Variants in CNTNAP3B observed in about 807,000 individuals in gnomAD.
CNTNAP3B encodes the protein contactin associated protein family member 3B, also known as contactin-associated protein-like 3B.
A neutral mutation model predicts 108.9 loss-of-function variants in CNTNAP3B; 25 were observed. The ratio of observed to expected loss-of-function variants is 0.23; its 90% CI spans 0.17 to 0.32. The LOEUF (loss-of-function observed/expected upper bound fraction) is 0.32, where lower values mean the gene tolerates loss of function less well. Ranked by LOEUF, CNTNAP3B falls within the 10% of genes least tolerant of loss-of-function variation. The probability of loss-of-function intolerance (pLI) is 1.00; values close to 1 mark genes in which losing one functional copy is unlikely to be tolerated. For synonymous variants in CNTNAP3B, 103 were observed against 473.4 expected, an observed-to-expected ratio of 0.22 and a Z score of 10.16; for missense variants, 252 against 1,210.4, an observed-to-expected ratio of 0.21 and a Z score of 11.75.
intron 13 of CNTNAP3B, among the ~76,000 whole-genome samples, chr9:41,944,253 G>A (rs1198679020): frequency 3.4e-5 from 5 of 148,418 alleles, no homozygotes; most frequent in African/African-American, 1.3e-4. Context: ...AAGAAAGGTA[G>A]GAGCATTAGA....
chr9:41,997,845 C>G, intron 5 of CNTNAP3B, 93 bp from the exon 6 acceptor site: 1 of 1,153,362 alleles, frequency 8.7e-7, no homozygotes, highest in Non-Finnish European at 1.2e-6. Context: ...AACTTTCCAT[C>G]TTACAGAGTT....
rs1378455123 is a variant in CNTNAP3B at position 41,992,910 on chromosome 9, TTTTG to T, written c.1072-1043_1072-1040del. Reference sequence around the variant, plus strand: ...ACATCTTACTAGGTTTTTAAATGGTTTTTGTTTGTTTGTTTGTTTTGCTTTGTTT... The same window carrying T: ...ACATCTTACTAGGTTTTTAAATGGTTTTTGTTTGTTTGTTTTGCTTTGTTT... On this transcript the variant is annotated intron_variant, in intron 7 of 23. Coordinates refer to ENST00000377561, the MANE Select transcript of CNTNAP3B (RefSeq NM_001201380.3). 9 of 28,622 alleles carry T rather than the reference TTTTG, an allele frequency of 3.1e-4. 1 individual carries two copies. The highest frequency in any genetic ancestry group is 8.0e-4 in the African/African-American group (8 of 10,034). 1.8% of individuals were successfully genotyped at this position (28,622 alleles called of 1,614,324 possible).
At chr9:42,066,275 C>T (rs1395114130) in intron 3 of CNTNAP3B, among the ~76,000 whole-genome samples, 1 of 131,584 alleles carries the variant, frequency 7.6e-6, no homozygotes, top group Non-Finnish European at 1.6e-5. Flanking sequence ...CCCTCTCCTG[C>T]CTGCCAGTGG....
chr9:42,063,988 C>T (rs1260215446), intron 3 of CNTNAP3B, among the ~76,000 whole-genome samples: 2 of 144,978 alleles, frequency 1.4e-5, no homozygotes, highest in African/African-American at 2.7e-5. Flanking sequence ...CCTGTAAGTT[C>T]CATAAGCATT....
chr9:41,932,335 T>A (rs1220824213), intron 14 of CNTNAP3B, among the ~76,000 whole-genome samples: 1 of 152,020 alleles, frequency 6.6e-6, no homozygotes, highest in Admixed American at 6.5e-5. Flanking sequence ...AAAATTTTTA[T>A]TTATTAGAAA....
At chr9:42,041,921 T>C (rs1379409351) in intron 3 of CNTNAP3B, among the ~76,000 whole-genome samples, 1 of 140,636 alleles carries the variant, frequency 7.1e-6, no homozygotes, top group African/African-American at 2.8e-5. Context: ...AAATGATGAG[T>C]TCATGTCCTT....
rs149853660 is a variant in CNTNAP3B, at chr9:42,053,992, G to C, written c.390+22877C>G. On this transcript the variant is annotated intron_variant, in intron 3 of 23. Coordinates refer to ENST00000377561, the MANE Select transcript of CNTNAP3B (RefSeq NM_001201380.3). ...AACTCTGGGAGTATATCAACACAAA[G>C]GTTTGATGAGAAAGTGGAGGACTGA... is the stretch of plus-strand genomic sequence containing the variant. Among the ~76,000 whole-genome samples, 169 of 151,872 alleles carry C rather than the reference G, an allele frequency of 1.1e-3. 1 individual carries two copies. Among genetic ancestry groups the C allele is most frequent in the African/African-American group, 3.7e-3 (154 of 41,134 alleles).
At chr9:41,963,301 G>A (rs1285976284) in intron 11 of CNTNAP3B, among the ~76,000 whole-genome samples, 1 of 152,136 alleles carries the variant, frequency 6.6e-6, no homozygotes, top group African/African-American at 2.4e-5. Flanking sequence ...ACCCAGGGAT[G>A]GGCGAAATAT....
At position 41,996,333 on chromosome 9, in the gene CNTNAP3B, T is replaced by C. The variant is rs1825901481; in HGVS notation, c.943A>G (p.Ile315Val). 2 of 1,537,178 alleles carry C rather than the reference T, an allele frequency of 1.3e-6. 1 individual carries two copies. Among genetic ancestry groups the C allele is most frequent in the Non-Finnish European group, 1.8e-6 (2 of 1,136,800 alleles). ...DLNFEISFGG[I>V]LSPGRSRAFT... is the part of the protein sequence containing the mutation. The stretch of plus-strand genomic sequence containing the variant: ...GCCCGTGATCTTCCGGGTGACAGAA[T>C]TCCCCCAAAGCTGATCTTAGAAAGA... Residue 315 changes from isoleucine to valine, a missense_variant, in exon 7 of 24, where the codon ATT becomes GTT. By Grantham distance (29) the Ile-to-Val change is conservative (BLOSUM62 3). Coordinates refer to ENST00000377561, the MANE Select transcript of CNTNAP3B (RefSeq NM_001201380.3).
chr9:41,919,611 A>G (rs1823614303), intron 18 of CNTNAP3B, among the ~76,000 whole-genome samples: 1 of 152,300 alleles, frequency 6.6e-6, no homozygotes, highest in Admixed American at 6.5e-5. Context: ...AGGCCTTTTG[A>G]ATCACTTAAA....
chr9:42,096,383 G>A (rs1477263444), intron 2 of CNTNAP3B, among the ~76,000 whole-genome samples: 2 of 140,502 alleles, frequency 1.4e-5, no homozygotes, highest in Non-Finnish European at 3.1e-5. Context: ...CCTTTAGCCT[G>A]CTCAATTCCC....
intron 2 of CNTNAP3B, among the ~76,000 whole-genome samples, chr9:42,088,231 C>A (rs1827744917): frequency 1.1e-5 from 1 of 93,680 alleles, no homozygotes; most frequent in South Asian, 4.1e-4. Flanking sequence ...GTAACTTGAT[C>A]TGGGCTCTGG....
chr9:42,031,632 A>C (rs1367977224), intron 3 of CNTNAP3B, among the ~76,000 whole-genome samples: 1 of 78,958 alleles, frequency 1.3e-5, no homozygotes, highest in African/African-American at 5.5e-5. Context: ...ATATACATAA[A>C]TAACTCTCAG....
Position 41,929,491 on chromosome 9 carries a change from C to A in CNTNAP3B, c.2238-47G>T, listed in dbSNP as rs764279634. 4 of 1,506,702 alleles carry A rather than the reference C, an allele frequency of 2.7e-6. 1 individual carries two copies. Among genetic ancestry groups the A allele is most frequent in the Non-Finnish European group, 3.6e-6 (4 of 1,116,662 alleles). 93.3% of individuals were successfully genotyped at this position (1,506,702 alleles called of 1,614,324 possible). On this transcript the variant is annotated intron_variant, in intron 14 of 23. Transcript: ENST00000377561. ...CATTAAAATTATTCTGATTAACATA[C>A]GGGCAAAATTAACTCTGATCTCTTA... is the stretch of plus-strand genomic sequence containing the variant.
chr9:41,918,481 A>G (rs1322970865), intron 18 of CNTNAP3B, among the ~76,000 whole-genome samples: 2 of 145,552 alleles, frequency 1.4e-5, no homozygotes, highest in East Asian at 2.0e-4. Flanking sequence ...CCCCCCAAAT[A>G]TATCTGTAAA....
rs1246443285 is a variant in CNTNAP3B at position 42,095,370 on chromosome 9, C to T, written c.196+9259G>A. ...GAGTTCCCTGCATCACGGGTTTTAA[C>T]CCACACCTTTGATGTACTTGGCTCT... is the stretch of plus-strand genomic sequence containing the variant. On this transcript the variant is annotated intron_variant, in intron 2 of 23. Transcript: ENST00000377561. 1.9e-3 allele frequency among the ~76,000 whole-genome samples: 261 copies of T among 138,860 alleles called. 13 individuals carry two copies. Among genetic ancestry groups the T allele is most frequent in the African/African-American group, 6.1e-3 (209 of 34,438 alleles). 91.1% of individuals were successfully genotyped at this position (138,860 alleles called of 152,430 possible).
intron 13 of CNTNAP3B, 62 bp from the exon 14 acceptor site, chr9:41,938,462 T>TA (rs1361322233): frequency 8.1e-6 from 13 of 1,610,698 alleles, no homozygotes; most frequent in Admixed American, 1.7e-5. Context: ...CCTCCCCATA[T>TA]ATCTCCCTTT....
At chr9:41,969,212 T>C (rs1489816526) in intron 10 of CNTNAP3B, among the ~76,000 whole-genome samples, 3 of 151,564 alleles carry the variant, frequency 2.0e-5, no homozygotes, top group African/African-American at 7.3e-5. Flanking sequence ...TGTGACCCTA[T>C]GATTCTTCTC....
chr9:42,077,376 GC>G (rs1460659825), intron 2 of CNTNAP3B, among the ~76,000 whole-genome samples: 1 of 134,770 alleles, frequency 7.4e-6, no homozygotes, highest in Non-Finnish European at 1.6e-5. Flanking sequence ...TGCAAGATTT[GC>G]CCTTTGCCAA....
Sources: gnomAD v4.1 joint callset for allele counts (sites outside exome capture counted in the v4.1 genomes callset) on GRCh38, gnomAD v4.1.1 for gene constraint, MANE v1.5 for transcripts, NCBI Gene and HGNC (gene_info 2026-07-23, HGNC 2026-07-21) for gene names.